Variants in CDK5RAP1 observed in about 807,000 individuals in gnomAD.
CDK5RAP1 encodes the protein mitochondrial tRNA methylthiotransferase CDK5RAP1.
A neutral mutation model predicts 64.5 loss-of-function variants in CDK5RAP1; 62 were observed. The observed-to-expected ratio is 0.96, with a 90% CI of 0.78 to 1.19. CDK5RAP1 has a LOEUF of 1.19. CDK5RAP1 is among the 50% of genes most tolerant of loss of function. The pLI, the probability that CDK5RAP1 is intolerant of heterozygous loss-of-function variation, is 0.00. For missense variants in CDK5RAP1, 657 were observed against 735.0 expected (o/e 0.89, Z 1.23); for synonymous variants, 250 against 261.9 (o/e 0.95, Z 0.44).
chr20:33,370,378 A>G (rs1034142374), intron 11 of CDK5RAP1, 121 bp downstream of exon 11: 12 of 974,578 alleles, frequency 1.2e-5, no homozygotes, highest in Middle Eastern at 3.4e-4. Context: ...AGTGAATCGT[A>G]AGAGCCTGTG....
chr20:33,399,474 T>C (rs1457634155), intron 1 of CDK5RAP1, among the ~76,000 whole-genome samples: 1 of 152,234 alleles, frequency 6.6e-6, no homozygotes, highest in African/African-American at 2.4e-5. Context: ...CATCACACTT[T>C]GCTGTTAATT....
At chr20:33,373,122 G>C (rs947383202) in intron 9 of CDK5RAP1, 2 of 170,940 alleles carry the variant, frequency 1.2e-5, no homozygotes, top group Non-Finnish European at 2.4e-5. Context: ...GTGTATGTGT[G>C]TAGAGACTGG....
chr20:33,389,658 G>A (rs988554334), intron 5 of CDK5RAP1, among the ~76,000 whole-genome samples: 1 of 151,568 alleles, frequency 6.6e-6, no homozygotes, highest in Non-Finnish European at 1.5e-5. Context: ...CACCCCTTCT[G>A]GGAAGTGAGG....
At chr20:33,379,944 CTG>C in intron 7 of CDK5RAP1, among the ~76,000 whole-genome samples, 1 of 152,056 alleles carries the variant, frequency 6.6e-6, no homozygotes, top group East Asian at 1.9e-4. Flanking sequence ...AGAATCAAAA[CTG>C]GAAACAAACT....
intron 7 of CDK5RAP1, among the ~76,000 whole-genome samples, chr20:33,382,695 A>G (rs184630282): frequency 7.9e-5 from 12 of 152,016 alleles, no homozygotes; most frequent in Non-Finnish European, 1.2e-4. Flanking sequence ...ATAAATAAAT[A>G]AAATAAAATA....
chr20:33,386,017 C>T (rs1386975622), intron 6 of CDK5RAP1, among the ~76,000 whole-genome samples: 1 of 152,170 alleles, frequency 6.6e-6, no homozygotes, highest in African/African-American at 2.4e-5. Flanking sequence ...GGAAGCACAG[C>T]GGTGAGGAGC....
In CDK5RAP1 at chr20:33,387,348, T is replaced by C; in HGVS notation, c.730A>G (p.Ser244Gly). 2 of 1,613,958 alleles carry C rather than the reference T, an allele frequency of 1.2e-6. No individual in the cohort carries two copies. Among genetic ancestry groups the C allele is most frequent in the Non-Finnish European group, 1.7e-6 (2 of 1,179,974 alleles). The change falls in exon 6 of 14, where the codon AGC becomes GGC. Residue 244 changes from serine to glycine, a missense_variant. Physicochemically the swap from Ser to Gly is moderately conservative, Grantham distance 56. Coordinates refer to ENST00000346416, the MANE Select transcript of CDK5RAP1 (RefSeq NM_016408.4). ...ACAAAGGCAGACGTGGCACTGGCGCTTGTCTGGACTGGCATGACATCAGCA... is the reference window on the plus strand; with the variant it reads ...ACAAAGGCAGACGTGGCACTGGCGCCTGTCTGGACTGGCATGACATCAGCA... Reference protein sequence around the residue: ...TYADVMPVQTSASATSAFVSI... With the variant: ...TYADVMPVQTGASATSAFVSI...
intron 11 of CDK5RAP1, 112 bp from the exon 12 acceptor site, chr20:33,367,120 T>C (rs1984133302): frequency 2.8e-6 from 3 of 1,065,178 alleles, no homozygotes; most frequent in South Asian, 1.9e-5. Context: ...AACAGACACA[T>C]GTACAGAAAC....
At chr20:33,364,911 A>AT (rs1258374970) in intron 12 of CDK5RAP1, among the ~76,000 whole-genome samples, 4 of 141,440 alleles carry the variant, frequency 2.8e-5, no homozygotes, top group Admixed American at 7.2e-5. Flanking sequence ...CTAGCTGTGT[A>AT]TTTTTTTTGA....
chr20:33,362,895 A>G (rs1429480755), intron 12 of CDK5RAP1, among the ~76,000 whole-genome samples: 2 of 152,220 alleles, frequency 1.3e-5, no homozygotes, highest in Non-Finnish European at 2.9e-5. Flanking sequence ...TCTTTAAATG[A>G]ATACCACTTT....
chr20:33,397,187 C>G, intron 1 of CDK5RAP1, 103 bp from the exon 2 acceptor site: 1 of 818,986 alleles, frequency 1.2e-6, no homozygotes, highest in Non-Finnish European at 1.8e-6. Context: ...CTCACAAAAG[C>G]CCATGAAGAA....
intron 5 of CDK5RAP1, among the ~76,000 whole-genome samples, chr20:33,389,003 G>T (rs1032877571): frequency 4.6e-5 from 7 of 152,336 alleles, no homozygotes; most frequent in African/African-American, 1.7e-4. Flanking sequence ...GCCTGCCTTG[G>T]CCTCCCAAAG....
intron 7 of CDK5RAP1, among the ~76,000 whole-genome samples, chr20:33,381,631 T>C (rs1017195675): frequency 4.6e-5 from 7 of 152,146 alleles, no homozygotes; most frequent in Admixed American, 4.6e-4. Flanking sequence ...TTTTGCCAAG[T>C]TGCCCAGGCT....
At chr20:33,360,114 A>T (rs1403748374) in intron 13 of CDK5RAP1, 2 of 525,590 alleles carry the variant, frequency 3.8e-6, no homozygotes, top group East Asian at 3.3e-5. Context: ...TGCATACTCC[A>T]AACTCACCAA....
In CDK5RAP1 at chr20:33,366,840, C is replaced by T; in HGVS notation, c.1542+19G>A. ...CTGAAACATAAAAAACAACATAACA[C>T]ACACACATATGGCCTCACCCCTTCC... On this transcript the variant is annotated intron_variant, in intron 12 of 13. Coordinates refer to ENST00000346416, the MANE Select transcript of CDK5RAP1 (RefSeq NM_016408.4). 2 of 1,594,662 alleles carry T rather than the reference C, an allele frequency of 1.3e-6. No individual in the cohort carries two copies. Among genetic ancestry groups the T allele is most frequent in the Non-Finnish European group, 1.7e-6 (2 of 1,172,560 alleles).
intron 1 of CDK5RAP1, among the ~76,000 whole-genome samples, chr20:33,399,395 C>G (rs1040110277): frequency 1.3e-5 from 2 of 152,288 alleles, no homozygotes; most frequent in Non-Finnish European, 2.9e-5. Flanking sequence ...CTGGCCATCA[C>G]CCCCGAAGTC....
At chr20:33,366,281 T>C (rs1983928024) in intron 12 of CDK5RAP1, among the ~76,000 whole-genome samples, 1 of 137,158 alleles carries the variant, frequency 7.3e-6, no homozygotes, top group African/African-American at 2.8e-5. Context: ...ATCATGCCAC[T>C]GCACTCCAGC....
chr20:33,372,127 T>C (rs1985123887), intron 10 of CDK5RAP1, among the ~76,000 whole-genome samples: 1 of 152,142 alleles, frequency 6.6e-6, no homozygotes, highest in Non-Finnish European at 1.5e-5. Context: ...ATAATCTAAG[T>C]GTTATTCTCT....
At chr20:33,383,926 C>CA (rs1987092954) in intron 7 of CDK5RAP1, among the ~76,000 whole-genome samples, 1 of 151,982 alleles carries the variant, frequency 6.6e-6, no homozygotes, top group Admixed American at 6.6e-5. Context: ...ACAAATATGG[C>CA]AAAATGCAAC....
Sources: allele counts gnomAD v4.1 joint callset (sites outside exome capture counted in the v4.1 genomes callset), GRCh38; gene constraint gnomAD v4.1.1; transcripts MANE v1.5; gene names NCBI Gene and HGNC (gene_info 2026-07-23, HGNC 2026-07-21).